ADAMTS18: variants seen among roughly 807,000 people sequenced by gnomAD.
The protein encoded by ADAMTS18 is A disintegrin and metalloproteinase with thrombospondin motifs 18.
Under a neutral mutation model 165.9 loss-of-function variants are expected in ADAMTS18, and 157 were observed. The observed-to-expected ratio is 0.95, with a 90% CI of 0.83 to 1.08. ADAMTS18 has a LOEUF of 1.08. Ranked by LOEUF, ADAMTS18 falls within the 50% of genes least tolerant of loss-of-function variation. The pLI is 0.00. For synonymous variants in ADAMTS18, 782 were observed against 578.2 expected (o/e 1.35, Z -5.06); for missense variants, 2,040 against 1,534.0 (o/e 1.33, Z -5.51).
chr16:77,335,102 T>C (rs1300314060), intron 12 of ADAMTS18, among the ~76,000 whole-genome samples: 1 of 148,882 alleles, frequency 6.7e-6, no homozygotes, highest in Non-Finnish European at 1.5e-5. Context: ...CCTATTATGA[T>C]AGTATTAATC....
chr16:77,293,390 A>G (rs1276389817), intron 19 of ADAMTS18, 132 bp from the exon 20 acceptor site: 40 of 779,366 alleles, frequency 5.1e-5, no homozygotes, highest in Non-Finnish European at 4.2e-5. Context: ...TCTTTTTACG[A>G]GATCTACTTA....
chr16:77,368,056 T>C (rs1428843758), intron 3 of ADAMTS18, among the ~76,000 whole-genome samples: 4 of 152,156 alleles, frequency 2.6e-5, no homozygotes, highest in African/African-American at 9.7e-5. Flanking sequence ...TTTACACTTT[T>C]TATAGAAACA....
At chr16:77,325,316 A>G (rs980211276) in intron 13 of ADAMTS18, among the ~76,000 whole-genome samples, 1 of 152,224 alleles carries the variant, frequency 6.6e-6, no homozygotes, top group African/African-American at 2.4e-5. Flanking sequence ...CAGTCAAAAT[A>G]AAGACACATT....
chr16:77,391,414 C>G (rs1005325954), intron 3 of ADAMTS18, among the ~76,000 whole-genome samples: 3 of 151,610 alleles, frequency 2.0e-5, no homozygotes, highest in Admixed American at 2.0e-4. Flanking sequence ...TCGCTTGAAC[C>G]TGGGAGGTGG....
chr16:77,308,637 C>T (rs2055725159), intron 16 of ADAMTS18, among the ~76,000 whole-genome samples: 1 of 150,820 alleles, frequency 6.6e-6, no homozygotes, highest in Admixed American at 6.6e-5. Context: ...TCTCCTAAAA[C>T]TGTGTATGAA....
chr16:77,419,488 T>C (rs11640266), intron 3 of ADAMTS18, among the ~76,000 whole-genome samples: 14,354 of 152,178 alleles, frequency 0.094, 855 homozygotes, highest in Non-Finnish European at 0.13. Flanking sequence ...TAAACCCCTC[T>C]AGCTATGAAC....
At chr16:77,379,196 G>C (rs2056996492) in intron 3 of ADAMTS18, among the ~76,000 whole-genome samples, 1 of 152,120 alleles carries the variant, frequency 6.6e-6, no homozygotes, top group Non-Finnish European at 1.5e-5. Context: ...GCGCCTTCTT[G>C]GGCCTATTAA....
At chr16:77,423,373 C>G (rs1311332605) in intron 3 of ADAMTS18, among the ~76,000 whole-genome samples, 1 of 152,072 alleles carries the variant, frequency 6.6e-6, no homozygotes. Flanking sequence ...GGAAGGTCTG[C>G]AATAATGATA....
chr16:77,329,384 T>C (rs2056150113), intron 12 of ADAMTS18, among the ~76,000 whole-genome samples: 1 of 152,174 alleles, frequency 6.6e-6, no homozygotes, highest in African/African-American at 2.4e-5. Flanking sequence ...ATTACAAGCA[T>C]GATCCATCAA....
intron 10 of ADAMTS18, among the ~76,000 whole-genome samples, chr16:77,350,953 G>A (rs982675222): frequency 6.6e-6 from 1 of 152,088 alleles, no homozygotes; most frequent in Non-Finnish European, 1.5e-5. Flanking sequence ...AGTAAAGTGA[G>A]GGGAAAAGAT....
chr16:77,366,477 G>C (rs2056795899), intron 4 of ADAMTS18, among the ~76,000 whole-genome samples: 1 of 152,196 alleles, frequency 6.6e-6, no homozygotes, highest in African/African-American at 2.4e-5. Flanking sequence ...AGAATTGCTT[G>C]AACCTGGTGG....
At chr16:77,304,196 G>C (rs190276364) in intron 16 of ADAMTS18, among the ~76,000 whole-genome samples, 1 of 152,282 alleles carries the variant, frequency 6.6e-6, no homozygotes, top group East Asian at 1.9e-4. Flanking sequence ...AACAAAATTT[G>C]AGTTTCTGGC....
intron 3 of ADAMTS18, among the ~76,000 whole-genome samples, chr16:77,409,689 A>G (rs541486359): frequency 6.6e-6 from 1 of 152,254 alleles, no homozygotes; most frequent in South Asian, 2.1e-4. Context: ...TTCATCAAAC[A>G]AGCCTTGTCT....
At chr16:77,399,681 C>A (rs1411922902) in intron 3 of ADAMTS18, among the ~76,000 whole-genome samples, 3 of 152,124 alleles carry the variant, frequency 2.0e-5, no homozygotes, top group Admixed American at 6.5e-5. Flanking sequence ...TAATATGCTG[C>A]CGAGCACAAA....
At chr16:77,421,524 C>G (rs1450452827) in intron 3 of ADAMTS18, among the ~76,000 whole-genome samples, 1 of 152,200 alleles carries the variant, frequency 6.6e-6, no homozygotes, top group Non-Finnish European at 1.5e-5. Context: ...GGTGGGAAAC[C>G]ACGCAATTTC....
chr16:77,366,226 G>T (rs866244457), intron 4 of ADAMTS18, among the ~76,000 whole-genome samples: 1 of 152,180 alleles, frequency 6.6e-6, no homozygotes, highest in African/African-American at 2.4e-5. Context: ...AGCCACAGAA[G>T]AATTTAAAAG....
chr16:77,394,982 C>A (rs959842042), intron 3 of ADAMTS18, among the ~76,000 whole-genome samples: 1 of 152,112 alleles, frequency 6.6e-6, no homozygotes, highest in Admixed American at 6.5e-5. Context: ...TCTCAACATG[C>A]AGAAAACCCT....
chr16:77,351,644 A>T (rs184344731), intron 10 of ADAMTS18, among the ~76,000 whole-genome samples: 243 of 152,362 alleles, frequency 1.6e-3, no homozygotes, highest in African/African-American at 5.0e-3. Context: ...GAGGCAAATT[A>T]GAATACAAAC....
chr16:77,330,834 T>G (rs1430001505), intron 12 of ADAMTS18, among the ~76,000 whole-genome samples: 3 of 152,130 alleles, frequency 2.0e-5, no homozygotes, highest in Non-Finnish European at 2.9e-5. Flanking sequence ...TCACACTGCT[T>G]CTCGGATGAG....
Sources: allele counts gnomAD v4.1 joint callset (sites outside exome capture counted in the v4.1 genomes callset), GRCh38; gene constraint gnomAD v4.1.1; transcripts MANE v1.5; gene names NCBI Gene and HGNC (gene_info 2026-07-23, HGNC 2026-07-21).